CORIN: variants seen among roughly 807,000 people sequenced by gnomAD.
CORIN encodes the protein corin, serine peptidase.
A neutral mutation model predicts 125.3 loss-of-function variants in CORIN; 117 were observed. The ratio of observed to expected loss-of-function variants is 0.93; its 90% CI spans 0.80 to 1.09. The LOEUF (loss-of-function observed/expected upper bound fraction) is 1.09, where lower values mean the gene tolerates loss of function less well. Among genes scored for constraint, CORIN ranks in the 50% least tolerant of loss-of-function variants. CORIN has a pLI of 0.00. For missense variants in CORIN, 1,253 were observed against 1,306.7 expected (o/e 0.96, Z 0.63); for synonymous variants, 450 against 466.4 (o/e 0.96, Z 0.45).
At chr4:47,741,235 A>G (rs1223010768) in intron 5 of CORIN, among the ~76,000 whole-genome samples, 2 of 152,062 alleles carry the variant, frequency 1.3e-5, no homozygotes, top group Non-Finnish European at 2.9e-5. Flanking sequence ...CAATTCAACA[A>G]TTTAAAGAGG....
chr4:47,646,259 A>G (rs578002421), intron 13 of CORIN, among the ~76,000 whole-genome samples: 3 of 152,332 alleles, frequency 2.0e-5, no homozygotes, highest in African/African-American at 4.8e-5. Context: ...ATTTCATTCT[A>G]CAAATCAGGA....
chr4:47,680,379 A>G, intron 7 of CORIN, 128 bp from the exon 8 acceptor site: 1 of 653,646 alleles, frequency 1.5e-6, no homozygotes, highest in Non-Finnish European at 2.7e-6. Flanking sequence ...ACATTTCTAC[A>G]ATAGGTCTGG....
Position 47,786,945 on chromosome 4 carries a change from AC to A in CORIN, c.209-21del. On this transcript the variant is annotated intron_variant, in intron 2 of 21. Coordinates refer to ENST00000273857, the MANE Select transcript of CORIN (RefSeq NM_006587.4). ...ATGTTCCTGAAAGACAAAAACAAAC[AC>A]AAAAAAAACCTATCTTTGAAACATT... 3 of 1,534,798 alleles carry A rather than the reference AC, an allele frequency of 2.0e-6. No homozygotes were observed. The highest frequency in any genetic ancestry group is 2.7e-6 in the Non-Finnish European group (3 of 1,120,070).
At chr4:47,776,886 A>C (rs960547275) in intron 3 of CORIN, among the ~76,000 whole-genome samples, 4 of 152,224 alleles carry the variant, frequency 2.6e-5, no homozygotes, top group Non-Finnish European at 5.9e-5. Context: ...TAGACCTTTA[A>C]ATTAAAATAT....
At chr4:47,813,051 C>A (rs1732125088) in intron 1 of CORIN, among the ~76,000 whole-genome samples, 1 of 152,188 alleles carries the variant, frequency 6.6e-6, no homozygotes, top group African/African-American at 2.4e-5. Flanking sequence ...CAGACACCAC[C>A]ACCCCTCATT....
intron 1 of CORIN, among the ~76,000 whole-genome samples, chr4:47,832,204 C>T (rs1039200509): frequency 2.0e-5 from 3 of 152,000 alleles, no homozygotes; most frequent in African/African-American, 7.3e-5. Flanking sequence ...AATACATAAG[C>T]AAAATCATCA....
chr4:47,755,361 C>T (rs1729088297), intron 4 of CORIN, among the ~76,000 whole-genome samples: 1 of 152,142 alleles, frequency 6.6e-6, no homozygotes, highest in Admixed American at 6.6e-5. Context: ...CCATGGTATG[C>T]CCTCAAAGTT....
intron 3 of CORIN, among the ~76,000 whole-genome samples, chr4:47,782,469 C>T (rs1730600537): frequency 6.6e-6 from 1 of 151,566 alleles, no homozygotes; most frequent in African/African-American, 2.4e-5. Flanking sequence ...GAATACCCCA[C>T]TCTCAATAAT....
At chr4:47,706,614 C>G (rs1014637699) in intron 5 of CORIN, 3 of 1,602,050 alleles carry the variant, frequency 1.9e-6, no homozygotes, top group South Asian at 1.1e-5. Flanking sequence ...GTGCAACTTA[C>G]GGCAAGCCTG....
chr4:47,713,525 T>G (rs550348734), intron 5 of CORIN, among the ~76,000 whole-genome samples: 5 of 152,332 alleles, frequency 3.3e-5, no homozygotes, highest in African/African-American at 1.2e-4. Context: ...ACCACTTTCT[T>G]AATGCTCCAG....
At chr4:47,822,562 TA>T (rs1434072667) in intron 1 of CORIN, among the ~76,000 whole-genome samples, 1 of 152,248 alleles carries the variant, frequency 6.6e-6, no homozygotes, top group Non-Finnish European at 1.5e-5. Flanking sequence ...CACAGTTTTG[TA>T]AATTACAGGC....
chr4:47,618,346 G>GAAA (rs1560474555), intron 19 of CORIN, among the ~76,000 whole-genome samples: 14 of 131,150 alleles, frequency 1.1e-4, no homozygotes, highest in East Asian at 5.7e-4. Context: ...AAAAAAAAAG[G>GAAA]AAAGGAAAGG....
intron 5 of CORIN, among the ~76,000 whole-genome samples, chr4:47,707,875 AGAGCC>A (rs1239860070): frequency 9.9e-5 from 15 of 152,148 alleles, no homozygotes; most frequent in African/African-American, 3.6e-4. Context: ...TGCCATGCTA[AGAGCC>A]AGGCATCCAT....
intron 5 of CORIN, among the ~76,000 whole-genome samples, chr4:47,705,279 C>T (rs62299177): frequency 2.6e-5 from 4 of 152,220 alleles, no homozygotes; most frequent in East Asian, 3.9e-4. Context: ...GTTTTGCAAA[C>T]GTGAAGTCTA....
chr4:47,619,766 CATAA>C (rs1301765505), intron 19 of CORIN, among the ~76,000 whole-genome samples: 2 of 152,200 alleles, frequency 1.3e-5, no homozygotes, highest in African/African-American at 2.4e-5. Context: ...TTAACTAGCA[CATAA>C]AGAGTGCTGT....
At chr4:47,684,102 ATTGT>A (rs1313645262) in intron 6 of CORIN, among the ~76,000 whole-genome samples, 3 of 152,158 alleles carry the variant, frequency 2.0e-5, no homozygotes, top group Non-Finnish European at 4.4e-5. Flanking sequence ...ACGATCCTTG[ATTGT>A]TAAAGATGAG....
intron 19 of CORIN, among the ~76,000 whole-genome samples, chr4:47,614,543 AT>A (rs1722000774): frequency 6.6e-6 from 1 of 152,226 alleles, no homozygotes; most frequent in Non-Finnish European, 1.5e-5. Context: ...TCTTCAGACA[AT>A]ACCCAGATGA....
In CORIN at chr4:47,744,597, A is replaced by AAG; in HGVS notation, c.618-16_618-15dup. The stretch of plus-strand genomic sequence containing the variant: ...AGGAGTCCATGACTAAAAAAAAAAA[A>AAG]AGAGAAAGGTGAAAATTAGTGTCTT... On this transcript the variant is annotated splice_polypyrimidine_tract_variant and intron_variant, in intron 4 of 21. Coordinates refer to ENST00000273857, the MANE Select transcript of CORIN (RefSeq NM_006587.4). 1 of 1,552,356 alleles carries AAG rather than the reference A, an allele frequency of 6.4e-7. No homozygotes were observed. The highest frequency in any genetic ancestry group is 1.2e-5 in the South Asian group (1 of 82,216).
In CORIN at chr4:47,786,935, A is replaced by G. The variant is rs1730842315; in HGVS notation, c.209-10T>C. 1 of 1,576,612 alleles carries G rather than the reference A, an allele frequency of 6.3e-7. No homozygotes were observed. Among genetic ancestry groups the G allele is most frequent in the African/African-American group, 1.4e-5 (1 of 73,434 alleles). On this transcript the variant is annotated splice_polypyrimidine_tract_variant and intron_variant, in intron 2 of 21. Coordinates refer to ENST00000273857, the MANE Select transcript of CORIN (RefSeq NM_006587.4). ...ACCTTTTGTAATGTTCCTGAAAGAC[A>G]AAAACAAACACAAAAAAAACCTATC...
Sources: allele counts gnomAD v4.1 joint callset (sites outside exome capture counted in the v4.1 genomes callset), GRCh38; gene constraint gnomAD v4.1.1; transcripts MANE v1.5; gene names NCBI Gene and HGNC (gene_info 2026-07-23, HGNC 2026-07-21).